B2M: variants seen among roughly 807,000 people sequenced by gnomAD.
B2M encodes the protein beta chain of MHC class I molecules.
B2M carries 3 observed loss-of-function variants against 14.5 expected under a neutral mutation model. The observed-to-expected ratio is 0.21, with a 90% CI of 0.09 to 0.53. B2M has a LOEUF of 0.53. Among genes scored for constraint, B2M ranks in the 20% least tolerant of loss-of-function variants. The pLI is 0.95. For synonymous variants in B2M, 45 were observed against 52.7 expected (o/e 0.85, Z 0.64); for missense variants, 107 against 140.8 (o/e 0.76, Z 1.21).
At chr15:44,716,617 C>T (rs2086944461) in intron 3 of B2M, 1 of 533,612 alleles carries the variant, frequency 1.9e-6, no homozygotes. Flanking sequence ...AGGATAAAGG[C>T]AGGTGGTTAC....
chr15:44,711,760 G>C, intron 1 of B2M, 147 bp downstream of exon 1: 1 of 1,110,176 alleles, frequency 9.0e-7, no homozygotes, highest in Non-Finnish European at 1.3e-6. Context: ...GCTGGATCTC[G>C]GGGAAGCGGC....
At chr15:44,716,993 A>G (rs1331246640) in intron 3 of B2M, 1 of 152,442 alleles carries the variant, frequency 6.6e-6, no homozygotes, top group Non-Finnish European at 1.5e-5. Flanking sequence ...CCCAGGGTAC[A>G]TTGATGCTGA....
chr15:44,716,961 G>C (rs1413548820), intron 3 of B2M: 1 of 152,746 alleles, frequency 6.5e-6, no homozygotes, highest in African/African-American at 2.4e-5. Flanking sequence ...GAGTCCAAAG[G>C]CTTTTCAATG....
chr15:44,713,834 G>C (rs1194848466), intron 1 of B2M: 2 of 152,156 alleles, frequency 1.3e-5, no homozygotes, highest in Non-Finnish European at 2.9e-5. Context: ...GGGGCTAGTA[G>C]CCTTTCCTTA....
intron 1 of B2M, chr15:44,713,228 T>G (rs2086907246): frequency 1.3e-5 from 2 of 152,212 alleles, no homozygotes; most frequent in Admixed American, 1.3e-4. Flanking sequence ...ATGAGAAAAT[T>G]GCATTTAATT....
At chr15:44,712,927 A>T (rs1384942825) in intron 1 of B2M, 1 of 150,934 alleles carries the variant, frequency 6.6e-6, no homozygotes, top group Non-Finnish European at 1.5e-5. Context: ...TCTTGAGCTT[A>T]GGCTTTTGAG....
intron 2 of B2M, chr15:44,715,970 A>G (rs1424296184): frequency 1.6e-6 from 1 of 614,908 alleles, no homozygotes; most frequent in African/African-American, 1.8e-5. Context: ...ACTTGCACAA[A>G]TACATATACA....
rs763258605 is a variant in B2M at position 44,711,562 on chromosome 15, G to A, written c.16G>A (p.Ala6Thr). 6.2e-7 allele frequency: 1 copy of A among 1,613,846 alleles called. No individual in the cohort carries two copies. The highest frequency in any genetic ancestry group is 1.7e-5 in the Admixed American group (1 of 60,030). ...TCGGGCCGAGATGTCTCGCTCCGTG[G>A]CCTTAGCTGTGCTCGCGCTACTCTC... MSRSVALAVLALLSLS... is the reference protein window; with the variant it reads MSRSVTLAVLALLSLS... The change falls in exon 1 of 4, where the codon GCC becomes ACC. Residue 6 changes from alanine to threonine, a missense_variant. Physicochemically the swap from Ala to Thr is moderately conservative, Grantham distance 58. Transcript: ENST00000648006.
intron 1 of B2M, chr15:44,712,999 GA>G (rs3042005): frequency 0.11 from 9,892 of 92,762 alleles, 435 homozygotes; most frequent in African/African-American, 0.19. Flanking sequence ...TCTCAAAAAA[GA>G]AAAAAAAAAA....
At chr15:44,713,709 C>T (rs1457034518) in intron 1 of B2M, 6 of 152,190 alleles carry the variant, frequency 3.9e-5, no homozygotes, top group African/African-American at 1.4e-4. Context: ...GCTCTGATCC[C>T]TGAGGCATTT....
At chr15:44,711,808 G>A (rs1045333377) in intron 1 of B2M, 195 bp downstream of exon 1, 29 of 741,588 alleles carry the variant, frequency 3.9e-5, no homozygotes, top group African/African-American at 1.7e-5. Context: ...TGCGCACCCG[G>A]GACGCGCGCT....
chr15:44,715,040 A>G (rs2086926214), intron 1 of B2M: 1 of 316,044 alleles, frequency 3.2e-6, no homozygotes, highest in African/African-American at 2.2e-5. Flanking sequence ...GGGCCAAATC[A>G]TGTAGACTCT....
chr15:44,716,033 G>A, intron 2 of B2M: 1 of 599,652 alleles, frequency 1.7e-6, no homozygotes, highest in Non-Finnish European at 2.9e-6. Context: ...GCAGCTTCAG[G>A]TATATTTAGC....
At chr15:44,715,335 A>C (rs933835179) in intron 1 of B2M, 88 bp from the exon 2 acceptor site, 41 of 1,455,240 alleles carry the variant, frequency 2.8e-5, no homozygotes, top group Non-Finnish European at 3.3e-5. Flanking sequence ...AAATGTAAAC[A>C]CTTGGTGCCT....
At chr15:44,715,294 G>C in intron 1 of B2M, 129 bp from the exon 2 acceptor site, 1 of 1,130,926 alleles carries the variant, frequency 8.8e-7, no homozygotes. Flanking sequence ...TTTGGCCAGA[G>C]TGGAAATGGA....
intron 1 of B2M, chr15:44,713,889 G>C (rs1005741241): frequency 1.3e-5 from 2 of 152,110 alleles, no homozygotes; most frequent in Admixed American, 1.3e-4. Flanking sequence ...AAGGTGGCCT[G>C]GTACTCCTCC....
At chr15:44,715,827 A>T in intron 2 of B2M, 126 bp downstream of exon 2, 1 of 1,168,664 alleles carries the variant, frequency 8.6e-7, no homozygotes, top group Non-Finnish European at 1.3e-6. Context: ...CATCTGATAT[A>T]AACAATCTGC....
intron 1 of B2M, chr15:44,714,962 G>C: frequency 4.3e-6 from 1 of 233,774 alleles, no homozygotes; most frequent in Non-Finnish European, 8.6e-6. Context: ...TGGAAACAGA[G>C]TACAATAACA....
At chr15:44,712,054 G>C (rs753806818) in intron 1 of B2M, 9 of 263,234 alleles carry the variant, frequency 3.4e-5, no homozygotes, top group Non-Finnish European at 6.0e-5. Context: ...CTTGGGGTCT[G>C]GGGGAGGCGT....
Sources: gnomAD v4.1 joint callset for allele counts on GRCh38, gnomAD v4.1.1 for gene constraint, MANE v1.5 for transcripts, NCBI Gene and HGNC (gene_info 2026-07-23, HGNC 2026-07-21) for gene names.